GRB14: variants seen among roughly 807,000 people sequenced by gnomAD.
The protein encoded by GRB14 is growth factor receptor-bound protein 14.
GRB14 carries 38 observed loss-of-function variants against 69.1 expected under a neutral mutation model. The ratio of observed to expected loss-of-function variants is 0.55; its 90% CI spans 0.42 to 0.72. The LOEUF is 0.72. Ranked by LOEUF, GRB14 falls within the 30% of genes least tolerant of loss-of-function variation. The pLI is 0.00. For missense variants in GRB14, 666 were observed against 666.1 expected (o/e 1.00, Z 0.00); for synonymous variants, 247 against 241.3 (o/e 1.02, Z -0.22).
intron 3 of GRB14, among the ~76,000 whole-genome samples, chr2:164,530,398 A>G (rs191735558): frequency 2.0e-5 from 3 of 152,284 alleles, no homozygotes; most frequent in South Asian, 4.1e-4. Flanking sequence ...GCCCACCTCC[A>G]ACACTGGGGA....
At chr2:164,535,961 G>A (rs1484126858) in intron 3 of GRB14, among the ~76,000 whole-genome samples, 1 of 152,202 alleles carries the variant, frequency 6.6e-6, no homozygotes, top group Non-Finnish European at 1.5e-5. Flanking sequence ...AAAAATGCCT[G>A]CATATATATG....
rs183956428 is a variant in GRB14 at position 164,501,192 on chromosome 2, T to C, written c.1104+1063A>G. On this transcript the variant is annotated intron_variant, in intron 9 of 13. Coordinates refer to ENST00000263915, the MANE Select transcript of GRB14 (RefSeq NM_004490.3). ...ATTTTAGGGCTTAAAAGTAATACCA[T>C]ACAAAGATGGAAAGTTATTCTTCCA... Among the ~76,000 whole-genome samples the C allele has an allele frequency of 1.6e-4, 24 of 152,174 alleles. No homozygotes were observed. The South Asian group carries it at 2.9e-3, about 18-fold the overall frequency.
Position 164,497,369 on chromosome 2 carries a change from T to C in GRB14, c.1221+5A>G, listed in dbSNP as rs1245026282. On this transcript the variant is annotated splice_donor_5th_base_variant and intron_variant, in intron 10 of 13. Coordinates refer to ENST00000263915, the MANE Select transcript of GRB14 (RefSeq NM_004490.3). ...ATATTTTGAAGCATGTGAAGCTACTTGTACCCTCCAAGCGAGTCCTTCTTC... is the reference window on the plus strand; with the variant it reads ...ATATTTTGAAGCATGTGAAGCTACTCGTACCCTCCAAGCGAGTCCTTCTTC... 8.1e-6 allele frequency: 13 copies of C among 1,609,608 alleles called. No individual in the cohort carries two copies. The highest frequency in any genetic ancestry group is 1.1e-5 in the Non-Finnish European group (13 of 1,176,828).
intron 2 of GRB14, among the ~76,000 whole-genome samples, chr2:164,578,439 G>A (rs576215530): frequency 6.7e-6 from 1 of 149,800 alleles, no homozygotes; most frequent in Admixed American, 6.7e-5. Flanking sequence ...TCCAAATACA[G>A]AAAGCATTCT....
At chr2:164,501,969 A>G (rs189124908) in intron 9 of GRB14, among the ~76,000 whole-genome samples, 3 of 152,100 alleles carry the variant, frequency 2.0e-5, no homozygotes, top group Admixed American at 6.6e-5. Context: ...TTGTAATGAC[A>G]CAGAAAGACA....
At chr2:164,572,169 C>T (rs1433095999) in intron 2 of GRB14, among the ~76,000 whole-genome samples, 1 of 152,064 alleles carries the variant, frequency 6.6e-6, no homozygotes, top group Non-Finnish European at 1.5e-5. Flanking sequence ...TAGGTTGGTG[C>T]AAAAGTAATT....
chr2:164,527,193 AT>A (rs2105288785), intron 3 of GRB14, 58 bp from the exon 4 acceptor site: 2 of 184,312 alleles, frequency 1.1e-5, no homozygotes, highest in Non-Finnish European at 2.0e-5. Flanking sequence ...ATATATATAT[AT>A]ATATATATAT....
intron 2 of GRB14, among the ~76,000 whole-genome samples, chr2:164,615,415 A>C (rs1043263385): frequency 6.6e-6 from 1 of 152,184 alleles, no homozygotes. Context: ...AATATTAACA[A>C]ATGGCGTTTG....
intron 6 of GRB14, among the ~76,000 whole-genome samples, chr2:164,517,074 C>T (rs1378724723): frequency 2.0e-5 from 3 of 152,076 alleles, no homozygotes; most frequent in Admixed American, 2.0e-4. Context: ...CAGCATGAGA[C>T]TGGGCAATTT....
At chr2:164,604,018 T>A (rs897809953) in intron 2 of GRB14, among the ~76,000 whole-genome samples, 2 of 152,150 alleles carry the variant, frequency 1.3e-5, no homozygotes, top group Admixed American at 6.5e-5. Flanking sequence ...ATAATCAAGG[T>A]AATGCAAATG....
At chr2:164,515,112 C>T (rs1391507168) in intron 6 of GRB14, among the ~76,000 whole-genome samples, 1 of 152,178 alleles carries the variant, frequency 6.6e-6, no homozygotes, top group African/African-American at 2.4e-5. Context: ...ACCTGATGGT[C>T]TTTCTCTACC....
intron 9 of GRB14, among the ~76,000 whole-genome samples, chr2:164,501,641 G>A (rs1457112834): frequency 1.3e-5 from 2 of 152,084 alleles, no homozygotes; most frequent in African/African-American, 4.8e-5. Flanking sequence ...AGTCTGAAAA[G>A]CAGTGCTAGA....
At chr2:164,594,329 T>C (rs1368463720) in intron 2 of GRB14, among the ~76,000 whole-genome samples, 1 of 152,226 alleles carries the variant, frequency 6.6e-6, no homozygotes, top group Non-Finnish European at 1.5e-5. Flanking sequence ...AAGCAAGCAT[T>C]ATTTTGAAAC....
intron 6 of GRB14, among the ~76,000 whole-genome samples, chr2:164,518,889 C>T (rs1457171905): frequency 6.7e-6 from 1 of 149,494 alleles, no homozygotes; most frequent in Non-Finnish European, 1.5e-5. Flanking sequence ...AAATGATCAA[C>T]AAAAAAAAAG....
intron 2 of GRB14, among the ~76,000 whole-genome samples, chr2:164,578,728 T>C (rs780964112): frequency 1.3e-5 from 2 of 152,086 alleles, no homozygotes; most frequent in South Asian, 2.1e-4. Flanking sequence ...AAAAAGCATA[T>C]AGATGGGAAC....
intron 2 of GRB14, among the ~76,000 whole-genome samples, chr2:164,606,411 G>A (rs758723447): frequency 9.2e-5 from 14 of 152,196 alleles, no homozygotes; most frequent in African/African-American, 2.2e-4. Flanking sequence ...GGAACTTGGC[G>A]GGTAAATCTG....
chr2:164,593,044 T>C (rs891360006), intron 2 of GRB14, among the ~76,000 whole-genome samples: 3 of 152,344 alleles, frequency 2.0e-5, no homozygotes, highest in South Asian at 2.1e-4. Flanking sequence ...CTGTACTTCT[T>C]AAAGTGCTTT....
rs571435374 is a variant in GRB14 at position 164,537,638 on chromosome 2, G to A, written c.481+10022C>T. Among the ~76,000 whole-genome samples, 57 of 152,296 alleles carry A rather than the reference G, an allele frequency of 3.7e-4. 2 individuals are homozygous for A. The highest frequency in any genetic ancestry group is 3.6e-3 in the Admixed American group (55 of 15,304). ...CAGTTGTGAGGCTAACATAATACCT[G>A]AGGGGAGAGATGCTCGGACCTGAAT... On this transcript the variant is annotated intron_variant, in intron 3 of 13. Coordinates refer to ENST00000263915, the MANE Select transcript of GRB14 (RefSeq NM_004490.3).
At chr2:164,563,968 T>A (rs1347199395) in intron 2 of GRB14, among the ~76,000 whole-genome samples, 1 of 152,082 alleles carries the variant, frequency 6.6e-6, no homozygotes, top group East Asian at 1.9e-4. Context: ...TAAATATTAT[T>A]TAAAAGGTAA....
Sources: gnomAD v4.1 joint callset for allele counts (sites outside exome capture counted in the v4.1 genomes callset) on GRCh38, gnomAD v4.1.1 for gene constraint, MANE v1.5 for transcripts, NCBI Gene and HGNC (gene_info 2026-07-23, HGNC 2026-07-21) for gene names.